Variants in OR52K1 observed in about 807,000 individuals in gnomAD.
The protein encoded by OR52K1 is olfactory receptor 52K1.
A neutral mutation model predicts 8.7 loss-of-function variants in OR52K1; 10 were observed. The ratio of observed to expected loss-of-function variants is 1.15; its 90% CI spans 0.71 to 1.95. The LOEUF is 1.95. Ranked by LOEUF, OR52K1 falls within the 30% of genes most tolerant of loss-of-function variation. OR52K1 has a pLI of 0.00. For missense variants in OR52K1, 431 were observed against 397.2 expected, an observed-to-expected ratio of 1.08 and a Z score of -0.72; for synonymous variants, 203 against 148.5, an observed-to-expected ratio of 1.37 and a Z score of -2.67.
At chr11:4,487,624 G>A (rs1447758146) in intron 1 of OR52K1, among the ~76,000 whole-genome samples, 1 of 152,134 alleles carries the variant, frequency 6.6e-6, no homozygotes, top group Non-Finnish European at 1.5e-5. Flanking sequence ...TAGAAAGAAG[G>A]ACTCAGATAT....
rs906571150 is a variant in OR52K1, at chr11:4,490,017, G to A, written c.*172G>A. ...ATCTACGAGTCAGGTCAAACCAGGA[G>A]TGCACCTATAGTCTGGTCTGATAGT... On this transcript the variant is annotated 3_prime_UTR_variant, in exon 2 of 2. Coordinates refer to ENST00000641528, the MANE Select transcript of OR52K1 (RefSeq NM_001005171.3). The A allele has an allele frequency of 3.3e-6, 2 of 610,306 alleles. No individual in the cohort carries two copies. Among genetic ancestry groups the A allele is most frequent in the South Asian group, 2.0e-5 (1 of 50,502 alleles). The allele number at this position is 610,306 out of a possible 1,614,324, so 37.8% of individuals were successfully genotyped here. A position where few individuals can be genotyped will look rare whatever the true frequency, so the allele number is the denominator to read the frequency against.
intron 1 of OR52K1, among the ~76,000 whole-genome samples, chr11:4,484,668 T>C (rs1377694054): frequency 6.6e-6 from 1 of 151,938 alleles, no homozygotes. Flanking sequence ...TTTCAGGATA[T>C]GTTTATATTC....
intron 1 of OR52K1, among the ~76,000 whole-genome samples, chr11:4,485,554 C>T (rs1321811910): frequency 6.6e-6 from 1 of 152,128 alleles, no homozygotes; most frequent in Non-Finnish European, 1.5e-5. Flanking sequence ...CTATATCTAA[C>T]CTGTCAAAAA....
rs1352711078 is a variant in OR52K1, at chr11:4,489,284, C to G, written c.384C>G (p.Ile128Met). The change falls in exon 2 of 2, where the codon ATC becomes ATG. Residue 128 changes from isoleucine (I) to methionine (M), a missense_variant. Coordinates refer to ENST00000641528, the MANE Select transcript of OR52K1 (RefSeq NM_001005171.3). ...TGGCCTTTGACCGCTATGTGGCCAT[C>G]TGCAAGCCATTGCACTACACGACGG... ...LAMAFDRYVA[I>M]CKPLHYTTVL... The G allele has an allele frequency of 6.2e-7, 1 of 1,614,206 alleles. No individual in the cohort carries two copies. Among genetic ancestry groups the G allele is most frequent in the South Asian group, 1.1e-5 (1 of 91,086 alleles).
Position 4,490,623 on chromosome 11 carries a change from C to G in OR52K1, c.*778C>G, listed in dbSNP as rs753913483. 6.6e-6 allele frequency: 1 copy of G among 152,202 alleles called. No homozygotes were observed. Among genetic ancestry groups the G allele is most frequent in the Non-Finnish European group, 1.5e-5 (1 of 68,036 alleles). The allele number at this position is 152,202 out of a possible 1,614,324, so 9.4% of individuals were successfully genotyped here. On this transcript the variant is annotated 3_prime_UTR_variant, in exon 2 of 2. Transcript: ENST00000641528. ...ATGAAAAGAGAAATAACACCCTTCC[C>G]TCTTGAAGCTGAGATTTCTGAAAAT...
In OR52K1 at chr11:4,485,314, A is replaced by G. The variant is rs148343442; in HGVS notation, c.-329+2138A>G. On this transcript the variant is annotated intron_variant, in intron 1 of 1. Transcript: ENST00000641528. ...TTCTCTAGTTCTCTTTTCTGTGAAC[A>G]TTTACTGTCTGGGCGATCTCAAACA... is the stretch of plus-strand genomic sequence containing the variant. 1.7e-3 allele frequency among the ~76,000 whole-genome samples: 255 copies of G among 152,234 alleles called. 1 individual carries two copies. Among genetic ancestry groups the G allele is most frequent in the African/African-American group, 5.8e-3 (241 of 41,542 alleles).
intron 1 of OR52K1, among the ~76,000 whole-genome samples, chr11:4,484,605 G>A (rs1846305486): frequency 6.6e-6 from 1 of 151,918 alleles, no homozygotes; most frequent in Non-Finnish European, 1.5e-5. Context: ...TATGGAGTTG[G>A]ATATCCTAGT....
In OR52K1 at chr11:4,492,004, T is replaced by C. The variant is rs908378070; in HGVS notation, c.*2159T>C. ...AAGACAAGAAGTTGCCTGGTCCATATAGACACGTGTTATTGCAGAGGTGTG... is the reference window on the plus strand; with the variant it reads ...AAGACAAGAAGTTGCCTGGTCCATACAGACACGTGTTATTGCAGAGGTGTG... On this transcript the variant is annotated 3_prime_UTR_variant, in exon 2 of 2. Transcript: ENST00000641528. The C allele has an allele frequency of 7.2e-5, 11 of 152,054 alleles. No homozygotes were observed. The highest frequency in any genetic ancestry group is 1.5e-4 in the Non-Finnish European group (10 of 68,018). 9.4% of individuals were successfully genotyped at this position (152,054 alleles called of 1,614,324 possible).
chr11:4,488,225 C>T (rs1846336166), intron 1 of OR52K1, among the ~76,000 whole-genome samples: 1 of 152,108 alleles, frequency 6.6e-6, no homozygotes, highest in Non-Finnish European at 1.5e-5. Context: ...GAAATTTCTA[C>T]AATGATGGAA....
intron 1 of OR52K1, among the ~76,000 whole-genome samples, chr11:4,484,825 AACACACAGACACACACACACACACAC>A (rs1846307589): frequency 7.6e-6 from 1 of 131,766 alleles, no homozygotes; most frequent in South Asian, 2.4e-4. Context: ...TCTGTTCTAA[AACACACAGACACACACACACACACAC>A]ACACACACAC....
intron 1 of OR52K1, among the ~76,000 whole-genome samples, chr11:4,487,695 C>T (rs1444402393): frequency 6.6e-6 from 1 of 152,032 alleles, no homozygotes; most frequent in Non-Finnish European, 1.5e-5. Context: ...CCAACAGTTT[C>T]TTTTTGAAAA....
At position 4,490,026 on chromosome 11, in the gene OR52K1, T is replaced by C. The variant is rs778359606; in HGVS notation, c.*181T>C. 1 of 596,914 alleles carries C rather than the reference T, an allele frequency of 1.7e-6. No individual in the cohort carries two copies. The allele number at this position is 596,914 out of a possible 1,614,324, so 37.0% of individuals were successfully genotyped here. ...TCAGGTCAAACCAGGAGTGCACCTATAGTCTGGTCTGATAGTAGAGGTTTG... is the reference window on the plus strand; with the variant it reads ...TCAGGTCAAACCAGGAGTGCACCTACAGTCTGGTCTGATAGTAGAGGTTTG... On this transcript the variant is annotated 3_prime_UTR_variant, in exon 2 of 2. Coordinates refer to ENST00000641528, the MANE Select transcript of OR52K1 (RefSeq NM_001005171.3).
Position 4,492,369 on chromosome 11 carries a change from T to A in OR52K1, c.*2524T>A, listed in dbSNP as rs939386169. Reference sequence around the variant, plus strand: ...AGCGTATCACAGCCTAGACTCATGATGAAGATCCATGGAGCAGATGTGAAT... The same window carrying A: ...AGCGTATCACAGCCTAGACTCATGAAGAAGATCCATGGAGCAGATGTGAAT... On this transcript the variant is annotated 3_prime_UTR_variant, in exon 2 of 2. Transcript: ENST00000641528. 6.6e-6 allele frequency: 1 copy of A among 152,204 alleles called. No homozygotes were observed. The highest frequency in any genetic ancestry group is 1.5e-5 in the Non-Finnish European group (1 of 68,026). 9.4% of individuals were successfully genotyped at this position (152,204 alleles called of 1,614,324 possible). A position where few individuals can be genotyped will look rare whatever the true frequency, so the allele number is the denominator to read the frequency against.
At chr11:4,486,393 T>C (rs1402765548) in intron 1 of OR52K1, among the ~76,000 whole-genome samples, 2 of 152,238 alleles carry the variant, frequency 1.3e-5, no homozygotes, top group Admixed American at 6.5e-5. Flanking sequence ...TGGATCCATA[T>C]TCTCTTTCCT....
chr11:4,484,746 C>T (rs539472235), intron 1 of OR52K1, among the ~76,000 whole-genome samples: 1 of 151,682 alleles, frequency 6.6e-6, no homozygotes, highest in East Asian at 1.9e-4. Flanking sequence ...GCAGTATTCT[C>T]TTTCTTCGTC....
rs1395373028 is a variant in OR52K1, at chr11:4,489,548, T to TATCC, written c.649_652dup (p.Leu218HisfsTer87). ...TTGTGGTGTTGGACCTGCTCTTTGT[T>TATCC]ATCCTGTCTTATGTCTTCATCCTTC... On this transcript the variant is annotated frameshift_variant, in exon 2 of 2. Coordinates refer to ENST00000641528, the MANE Select transcript of OR52K1 (RefSeq NM_001005171.3). LOFTEE classifies it high-confidence loss of function. The TATCC allele has an allele frequency of 6.2e-7, 1 of 1,614,258 alleles. No individual in the cohort carries two copies. The highest frequency in any genetic ancestry group is 8.5e-7 in the Non-Finnish European group (1 of 1,180,044).
rs1846340746 is a variant in OR52K1, at chr11:4,488,799, G to T, written c.-102G>T. ...ATGGAAACAAGAGGTAATCTTTGCAGGTGGGATAGCACAGGTTGAACTCTA... is the reference window on the plus strand; with the variant it reads ...ATGGAAACAAGAGGTAATCTTTGCATGTGGGATAGCACAGGTTGAACTCTA... On this transcript the variant is annotated 5_prime_UTR_variant, in exon 2 of 2. In the 5' UTR this introduces an upstream ATG that the reference lacks. Coordinates refer to ENST00000641528, the MANE Select transcript of OR52K1 (RefSeq NM_001005171.3). 1 of 792,596 alleles carries T rather than the reference G, an allele frequency of 1.3e-6. No homozygotes were observed. Among genetic ancestry groups the T allele is most frequent in the Admixed American group, 2.4e-5 (1 of 41,822 alleles). The allele number at this position is 792,596 out of a possible 1,614,324, so 49.1% of individuals were successfully genotyped here.
In OR52K1 at chr11:4,491,888, A is replaced by G. The variant is rs1229809702; in HGVS notation, c.*2043A>G. The G allele has an allele frequency of 6.6e-6, 1 of 152,206 alleles. No homozygotes were observed. The highest frequency in any genetic ancestry group is 6.5e-5 in the Admixed American group (1 of 15,284). The allele number at this position is 152,206 out of a possible 1,614,324, so 9.4% of individuals were successfully genotyped here. ...ACTCCCGTGACACAAGTTTATTTAT[A>G]TAACACACCTGCACATGTACCTCTA... On this transcript the variant is annotated 3_prime_UTR_variant, in exon 2 of 2. Coordinates refer to ENST00000641528, the MANE Select transcript of OR52K1 (RefSeq NM_001005171.3).
chr11:4,484,833 G>GACACAC (rs57428088), intron 1 of OR52K1, among the ~76,000 whole-genome samples: 7,378 of 113,558 alleles, frequency 0.065, 211 homozygotes, highest in African/African-American at 0.1. Context: ...AAAACACACA[G>GACACAC]ACACACACAC....
Sources: gnomAD v4.1 joint callset for allele counts (sites outside exome capture counted in the v4.1 genomes callset) on GRCh38, gnomAD v4.1.1 for gene constraint, MANE v1.5 for transcripts, NCBI Gene and HGNC (gene_info 2026-07-23, HGNC 2026-07-21) for gene names.